The following STC2 variants were observed in gnomAD, a reference collection of about 807,000 sequenced individuals.
STC2 encodes stanniocalcin-2.
In STC2, 7 loss-of-function variants were observed where a neutral mutation model predicts 22.7. The observed-to-expected ratio is 0.31, with a 90% CI of 0.18 to 0.58. STC2 has a LOEUF of 0.58. Among genes scored for constraint, STC2 ranks in the 20% least tolerant of loss-of-function variants. The pLI is 0.89. For synonymous variants in STC2, 158 were observed against 163.4 expected (o/e 0.97, Z 0.25); for missense variants, 336 against 406.2 (o/e 0.83, Z 1.48).
Position 173,323,531 on chromosome 5 carries a change from T to C in STC2, c.295-101A>G. 1.7e-6 allele frequency: 2 copies of C among 1,191,760 alleles called. No homozygotes were observed. The highest frequency in any genetic ancestry group is 3.0e-5 in the African/African-American group (2 of 66,046). The allele number at this position is 1,191,760 out of a possible 1,614,324, so 73.8% of individuals were successfully genotyped here. On this transcript the variant is annotated intron_variant, in intron 2 of 3. Transcript: ENST00000265087. The surrounding 1 kb of genome is among the most constrained non-coding windows in gnomAD (Gnocchi z 5.4). ...CCCTTCTTGGGCTTACACAGGATAT[T>C]TCTGACATCAGAACCCCAAGGCCCC...
At position 173,325,387 on chromosome 5, in the gene STC2, G is replaced by A. The variant is rs1308858217; in HGVS notation, c.294+481C>T. Among the ~76,000 whole-genome samples, 6 of 152,214 alleles carry A rather than the reference G, an allele frequency of 3.9e-5. No individual in the cohort carries two copies. Among genetic ancestry groups the A allele is most frequent in the African/African-American group, 1.4e-4 (6 of 41,446 alleles). On this transcript the variant is annotated intron_variant, in intron 2 of 3. Coordinates refer to ENST00000265087, the MANE Select transcript of STC2 (RefSeq NM_003714.3). This position sits in a 1 kb window ranked among gnomAD's most constrained non-coding sequence, Gnocchi z 4.7. The stretch of plus-strand genomic sequence containing the variant: ...AAGGACTCAATCAGGGTTTCGACCG[G>A]TCAGCTTGGGAGAGAAAGATCTGCT...
intron 2 of STC2, chr5:173,324,104 A>G (rs1475173233): frequency 6.6e-6 from 1 of 152,660 alleles, no homozygotes; most frequent in African/African-American, 2.4e-5. Flanking sequence ...GCCTGGCAGC[A>G]TCTGGAGTCT....
At chr5:173,318,441 C>T (rs1023019272) in intron 3 of STC2, among the ~76,000 whole-genome samples, 192 bp from the exon 4 acceptor site, 1 of 152,160 alleles carries the variant, frequency 6.6e-6, no homozygotes, top group African/African-American at 2.4e-5. Flanking sequence ...CTATGGAGTA[C>T]TGGCCTCAAC....
Position 173,317,605 on chromosome 5 carries a change from C to A in STC2, c.*242G>T. 2.6e-6 allele frequency: 1 copy of A among 380,426 alleles called. No homozygotes were observed. The highest frequency in any genetic ancestry group is 4.2e-5 in the Admixed American group (1 of 23,942). The allele number at this position is 380,426 out of a possible 1,614,324, so 23.6% of individuals were successfully genotyped here. On this transcript the variant is annotated 3_prime_UTR_variant, in exon 4 of 4. Transcript: ENST00000265087. ...AAAGAAGACAAAGGTACGAGGATAACGCGGGCGCGCTCCCTTGAGTACGTG... is the reference window on the plus strand; with the variant it reads ...AAAGAAGACAAAGGTACGAGGATAAAGCGGGCGCGCTCCCTTGAGTACGTG...
chr5:173,318,344 G>A (rs928659655), intron 3 of STC2, 95 bp from the exon 4 acceptor site: 1 of 1,246,990 alleles, frequency 8.0e-7, no homozygotes. Flanking sequence ...GAGGGCAGGG[G>A]CAATGCTGGG....
chr5:173,318,434 T>C (rs534885409), intron 3 of STC2, among the ~76,000 whole-genome samples, 185 bp from the exon 4 acceptor site: 2 of 152,276 alleles, frequency 1.3e-5, no homozygotes, highest in South Asian at 2.1e-4. Flanking sequence ...TCATAGTCTA[T>C]GGAGTACTGG....
intron 3 of STC2, among the ~76,000 whole-genome samples, chr5:173,319,705 G>A (rs771348513): frequency 2.0e-5 from 3 of 152,222 alleles, no homozygotes; most frequent in Non-Finnish European, 4.4e-5. Flanking sequence ...ACTGAGAAAA[G>A]CAGGGAGAAG....
chr5:173,326,325 AGTTT>A (rs1315975328), intron 1 of STC2, among the ~76,000 whole-genome samples: 1 of 152,222 alleles, frequency 6.6e-6, no homozygotes, highest in Non-Finnish European at 1.5e-5. Flanking sequence ...GGGAATACTT[AGTTT>A]GAGAGCAAAA....
intron 3 of STC2, among the ~76,000 whole-genome samples, chr5:173,319,374 C>T (rs1015609492): frequency 5.9e-5 from 9 of 152,216 alleles, no homozygotes; most frequent in African/African-American, 1.9e-4. Context: ...AACCAGCATT[C>T]CTAGGCAGTC....
rs188186746 is a variant in STC2, at chr5:173,317,628, G to A, written c.*219C>T. The A allele has an allele frequency of 2.4e-4, 111 of 466,896 alleles. 1 individual carries two copies. The highest frequency in any genetic ancestry group is 2.0e-3 in the African/African-American group (104 of 51,098). 28.9% of individuals were successfully genotyped at this position (466,896 alleles called of 1,614,324 possible). A position where few individuals can be genotyped will look rare whatever the true frequency, so the allele number is the denominator to read the frequency against. ...AACGCGGGCGCGCTCCCTTGAGTAC[G>A]TGTAAGTGCAGAATTCACCAGGCAC... On this transcript the variant is annotated 3_prime_UTR_variant, in exon 4 of 4. Coordinates refer to ENST00000265087, the MANE Select transcript of STC2 (RefSeq NM_003714.3).
At chr5:173,322,044 C>T (rs1762493686) in intron 3 of STC2, among the ~76,000 whole-genome samples, 1 of 152,172 alleles carries the variant, frequency 6.6e-6, no homozygotes, top group Non-Finnish European at 1.5e-5. Flanking sequence ...ACCTTATAAC[C>T]AAGTGGAAAG....
Position 173,325,777 on chromosome 5 carries a change from C to A in STC2, c.294+91G>T. 6.4e-7 allele frequency: 1 copy of A among 1,571,740 alleles called. No individual in the cohort carries two copies. Among genetic ancestry groups the A allele is most frequent in the South Asian group, 1.2e-5 (1 of 86,654 alleles). ...CACTAAAACACACCACAAGGAACAG[C>A]AAAGGAAGTTGGTTAACAAGGCTTT... is the stretch of plus-strand genomic sequence containing the variant. On this transcript the variant is annotated intron_variant, in intron 2 of 3. Transcript: ENST00000265087. This position sits in a 1 kb window ranked among gnomAD's most constrained non-coding sequence, Gnocchi z 4.7.
Position 173,325,736 on chromosome 5 carries a change from G to T in STC2, c.294+132C>A. The stretch of plus-strand genomic sequence containing the variant: ...ACACTGGCATAATGTTTTATACCTA[G>T]ACTGTCGCTTGCAAGCACTAAAACA... On this transcript the variant is annotated intron_variant, in intron 2 of 3. Transcript: ENST00000265087. The surrounding 1 kb of genome is among the most constrained non-coding windows in gnomAD (Gnocchi z 4.7). 1.6e-6 allele frequency: 2 copies of T among 1,248,668 alleles called. No homozygotes were observed. The highest frequency in any genetic ancestry group is 1.1e-6 in the Non-Finnish European group (1 of 875,940). 77.3% of individuals were successfully genotyped at this position (1,248,668 alleles called of 1,614,324 possible).
chr5:173,320,542 C>T (rs1209616264), intron 3 of STC2, among the ~76,000 whole-genome samples: 27 of 152,236 alleles, frequency 1.8e-4, no homozygotes. Context: ...GGGGGATGTG[C>T]CTGGAGCCTG....
rs1321284611 is a variant in STC2 at position 173,315,429 on chromosome 5, G to GATC, written c.*2415_*2417dup. On this transcript the variant is annotated 3_prime_UTR_variant, in exon 4 of 4. Transcript: ENST00000265087. The stretch of plus-strand genomic sequence containing the variant: ...AGTGGCATGAAAAATATACAACAGA[G>GATC]ATCAGTAAATGGGTTCAAATGAACA... 2.0e-5 allele frequency: 3 copies of GATC among 152,174 alleles called. No homozygotes were observed. The highest frequency in any genetic ancestry group is 4.4e-5 in the Non-Finnish European group (3 of 68,022). 9.4% of individuals were successfully genotyped at this position (152,174 alleles called of 1,614,324 possible).
chr5:173,318,156 G>A lies in STC2; in HGVS notation c.600C>T (p.Asn200=), dbSNP rs1762447599. The change falls in exon 4 of 4, where the codon AAC becomes AAT. Residue 200 remains asparagine (N), a synonymous_variant. Transcript: ENST00000265087. ...TCAAGATGGAGCACAGGCTTCCCCA[G>A]TTCTGCTCACACTGAACCTGCACGC... ...THSVQVQCEQ[N]WGSLCSILSF... 1 of 1,606,048 alleles carries A rather than the reference G, an allele frequency of 6.2e-7. No homozygotes were observed. The highest frequency in any genetic ancestry group is 8.5e-7 in the Non-Finnish European group (1 of 1,176,470).
rs929493417 is a variant in STC2, at chr5:173,317,015, G to T, written c.*832C>A. On this transcript the variant is annotated 3_prime_UTR_variant, in exon 4 of 4. Coordinates refer to ENST00000265087, the MANE Select transcript of STC2 (RefSeq NM_003714.3). ...AAAAATCAGCCTCAAAGGATGGGCT[G>T]GTTTTTTTTTTTTAAACCCCCTTTG... 2.6e-5 allele frequency: 4 copies of T among 151,080 alleles called. No homozygotes were observed. Among genetic ancestry groups the T allele is most frequent in the African/African-American group, 9.8e-5 (4 of 40,774 alleles). 9.4% of individuals were successfully genotyped at this position (151,080 alleles called of 1,614,324 possible).
chr5:173,327,520 C>G (rs148625861), intron 1 of STC2, among the ~76,000 whole-genome samples: 6 of 152,360 alleles, frequency 3.9e-5, no homozygotes, highest in Admixed American at 2.0e-4. Flanking sequence ...GAAAGCAGTG[C>G]CCCCAGGGGG....
rs1339409755 is a variant in STC2, at chr5:173,318,283, A to AGAGG, written c.507-35_507-34insCCTC. 3.6e-6 allele frequency: 5 copies of AGAGG among 1,370,104 alleles called. No homozygotes were observed. In the East Asian group the frequency reaches 1.3e-4, roughly 35 times the overall value. 84.9% of individuals were successfully genotyped at this position (1,370,104 alleles called of 1,614,324 possible). ...TGAAAGCAAAGAGAGAGAGAGAGAG[A>AGAGG]GAGAGAGAGAGAGAGAGGCTGGGAA... On this transcript the variant is annotated intron_variant, in intron 3 of 3. Coordinates refer to ENST00000265087, the MANE Select transcript of STC2 (RefSeq NM_003714.3).
Sources: allele counts gnomAD v4.1 joint callset (sites outside exome capture counted in the v4.1 genomes callset), GRCh38; gene constraint gnomAD v4.1.1; non-coding constraint Gnocchi (gnomAD v3.1); transcripts MANE v1.5; gene names NCBI Gene and HGNC (gene_info 2026-07-23, HGNC 2026-07-21).